The following NFKBIZ variants were observed in gnomAD, a reference collection of about 807,000 sequenced individuals.
NFKBIZ encodes NF-kappa-B inhibitor zeta.
Under a neutral mutation model 76.8 loss-of-function variants are expected in NFKBIZ, and 19 were observed. The observed-to-expected ratio is 0.25, with a 90% confidence interval of 0.17 to 0.36. The LOEUF is 0.36. NFKBIZ is among the 10% of genes least tolerant of loss of function. The pLI, the probability that NFKBIZ is intolerant of heterozygous loss-of-function variation, is 1.00. For missense variants in NFKBIZ, 829 were observed against 910.9 expected (o/e 0.91, Z 1.16); for synonymous variants, 368 against 354.8 (o/e 1.04, Z -0.42).
chr3:101,858,478 T>C lies in NFKBIZ; in HGVS notation c.2104-840T>C, dbSNP rs1438309784. ...CAGTATTTGCTTCTACTTCACTGTT[T>C]GTGGTGTGCAGTCATATAACTATGC... On this transcript the variant is annotated intron_variant, in intron 11 of 11. Transcript: ENST00000326172. 3 of 980,734 alleles carry C rather than the reference T, an allele frequency of 3.1e-6. No individual in the cohort carries two copies. The South Asian group carries it at 1.4e-4, about 46-fold the overall frequency. The allele number at this position is 980,734 out of a possible 1,614,324, so 60.8% of individuals were successfully genotyped here. A position where few individuals can be genotyped will look rare whatever the true frequency, so the allele number is the denominator to read the frequency against.
intron 11 of NFKBIZ, 183 bp downstream of exon 11, chr3:101,857,642 G>A: frequency 2.0e-6 from 2 of 985,430 alleles, no homozygotes; most frequent in Non-Finnish European, 2.4e-6. Flanking sequence ...CAGCAATTAA[G>A]AAATTTGAGG....
chr3:101,844,465 A>G (rs1311783294), intron 2 of NFKBIZ, among the ~76,000 whole-genome samples: 3 of 152,298 alleles, frequency 2.0e-5, no homozygotes, highest in African/African-American at 7.2e-5. Flanking sequence ...AGTTATACCC[A>G]TTGCTTTTGT....
In NFKBIZ at chr3:101,853,547, G is replaced by A; in HGVS notation, c.1021G>A (p.Val341Ile). The A allele has an allele frequency of 1.2e-6, 2 of 1,614,204 alleles. No homozygotes were observed. The highest frequency in any genetic ancestry group is 2.2e-5 in the South Asian group (2 of 91,088). ...ACAGTTTTGCCCAAACCAAAGCTTA[G>A]TTTCCCTTCTTGGTGATCAAAGGGA... ...ESQFCPNQSL[V>I]SLLGDQRESE... The change falls in exon 5 of 12, where the codon GTT (valine) becomes ATT (isoleucine). Residue 341 changes from valine to isoleucine, a missense_variant. Physicochemically the swap from Val to Ile is conservative, Grantham distance 29 (BLOSUM62 3). This residue lies in a region of NFKBIZ where 371 missense variants were observed against 332.3 expected (regional missense o/e 1.12). Coordinates refer to ENST00000326172, the MANE Select transcript of NFKBIZ (RefSeq NM_031419.4).
intron 2 of NFKBIZ, among the ~76,000 whole-genome samples, chr3:101,840,796 G>A (rs1421481097): frequency 2.6e-5 from 4 of 152,196 alleles, no homozygotes; most frequent in African/African-American, 2.4e-5. Context: ...TTGTGTACCT[G>A]CTGGAAAGCA....
At chr3:101,837,380 T>TA (rs1216623487) in intron 2 of NFKBIZ, among the ~76,000 whole-genome samples, 3 of 151,168 alleles carry the variant, frequency 2.0e-5, no homozygotes, top group East Asian at 1.9e-4. Flanking sequence ...AAAGGACTAT[T>TA]AAAAAATCAT....
chr3:101,849,613 C>T lies in NFKBIZ; in HGVS notation c.-16C>T, dbSNP rs950028295. On this transcript the variant is annotated 5_prime_UTR_variant, in exon 1 of 12. Coordinates refer to ENST00000326172, the MANE Select transcript of NFKBIZ (RefSeq NM_031419.4). ...TGGCGCAGGTGTCGGGGTCCTCGAG[C>T]GCCCAGCCTGGGAGCATGATTGTGG... The T allele has an allele frequency of 5.3e-6, 7 of 1,331,172 alleles. No individual in the cohort carries two copies. The highest frequency in any genetic ancestry group is 3.9e-5 in the Admixed American group (1 of 25,818). The allele number at this position is 1,331,172 out of a possible 1,614,324, so 82.5% of individuals were successfully genotyped here. A position where few individuals can be genotyped will look rare whatever the true frequency, so the allele number is the denominator to read the frequency against.
chr3:101,853,096 A>G lies in NFKBIZ; in HGVS notation c.570A>G (p.Pro190=). 6.2e-7 allele frequency: 1 copy of G among 1,612,614 alleles called. No individual in the cohort carries two copies. Among genetic ancestry groups the G allele is most frequent in the East Asian group, 2.2e-5 (1 of 44,862 alleles). The change falls in exon 5 of 12, where the codon CCA becomes CCG. Residue 190 remains proline (P), a synonymous_variant. Transcript: ENST00000326172. The stretch of plus-strand genomic sequence containing the variant: ...TGCATTTTCCTTCTTTCCAGACACC[A>G]CCTCAAACACCAACGCCCGGGGAGA... The part of the protein sequence containing the change: ...PALLHSQFLT[P]PQTPTPGESM...
chr3:101,855,143 A>G lies in NFKBIZ; in HGVS notation c.1525A>G (p.Thr509Ala). The change falls in exon 7 of 12, where the codon ACA (threonine) becomes GCA (alanine). Residue 509 changes from threonine (T) to alanine (A), a missense_variant. Physicochemically the swap from Thr to Ala is moderately conservative, Grantham distance 58 (BLOSUM62 0). This residue lies in a region of NFKBIZ where 272 missense variants were observed against 384.2 expected (regional missense o/e 0.71). Coordinates refer to ENST00000326172, the MANE Select transcript of NFKBIZ (RefSeq NM_031419.4). ...LVNIGAQVNT[T>A]DCWGRTPLHV... ...GAACATCGGGGCACAGGTGAACACC[A>G]CAGACTGCTGGGGAAGAACACCTCT... is the stretch of plus-strand genomic sequence containing the variant. The G allele has an allele frequency of 1.2e-6, 2 of 1,614,100 alleles. No homozygotes were observed. The highest frequency in any genetic ancestry group is 8.5e-7 in the Non-Finnish European group (1 of 1,180,012).
upstream of NFKBIZ, among the ~76,000 whole-genome samples, chr3:101,845,129 G>A (rs553732698): frequency 2.6e-5 from 4 of 151,718 alleles, no homozygotes; most frequent in African/African-American, 4.8e-5. Context: ...TTAGCCGGGC[G>A]TGGTGGCGGG....
At chr3:101,850,041 C>G in intron 1 of NFKBIZ, 124 bp downstream of exon 1, 2 of 941,256 alleles carry the variant, frequency 2.1e-6, no homozygotes, top group Non-Finnish European at 2.8e-6. Context: ...CGCACCTTAG[C>G]CATCAATTAC....
intron 2 of NFKBIZ, among the ~76,000 whole-genome samples, chr3:101,839,940 C>T (rs541994904): frequency 2.6e-5 from 4 of 152,120 alleles, no homozygotes; most frequent in Admixed American, 6.5e-5. Context: ...TAATTTTGAA[C>T]TATGTATTAC....
At chr3:101,830,143 T>C (rs1942629019) in intron 2 of NFKBIZ, among the ~76,000 whole-genome samples, 1 of 152,148 alleles carries the variant, frequency 6.6e-6, no homozygotes, top group Non-Finnish European at 1.5e-5. Flanking sequence ...TTTGGGATTG[T>C]CTGTGAAGTA....
intron 2 of NFKBIZ, among the ~76,000 whole-genome samples, chr3:101,832,584 T>C (rs1219661100): frequency 6.6e-6 from 1 of 152,262 alleles, no homozygotes; most frequent in South Asian, 2.1e-4. Flanking sequence ...TTATGACTGG[T>C]TTATTTCATG....
chr3:101,852,108 A>C lies in NFKBIZ; in HGVS notation c.313A>C (p.Arg105=), dbSNP rs778848733. The C allele has an allele frequency of 6.2e-7, 1 of 1,614,224 alleles. No individual in the cohort carries two copies. Among genetic ancestry groups the C allele is most frequent in the Non-Finnish European group, 8.5e-7 (1 of 1,180,028 alleles). The change falls in exon 2 of 12, where the codon AGG becomes CGG. Residue 105 remains arginine (R), a synonymous_variant. Transcript: ENST00000326172. ...QPVEPHMGVG[R]QQRGPFQGVR... is the part of the protein sequence containing the mutation. ...AGTTGAGCCCCATATGGGGGTTGGC[A>C]GGCAGCAGAGAGGCCCCTTTCAAGG...
chr3:101,849,329 CG>C, upstream of NFKBIZ: 1 of 267,372 alleles, frequency 3.7e-6, no homozygotes, highest in Non-Finnish European at 7.0e-6. Flanking sequence ...CGGAGCCGGG[CG>C]GGCGGGGCGA....
At chr3:101,858,479 G>C in intron 11 of NFKBIZ, 1 of 978,772 alleles carries the variant, frequency 1.0e-6, no homozygotes, top group African/African-American at 1.7e-5. Context: ...TTCACTGTTT[G>C]TGGTGTGCAG....
chr3:101,859,045 G>A (rs1943097208), intron 11 of NFKBIZ, among the ~76,000 whole-genome samples: 1 of 152,158 alleles, frequency 6.6e-6, no homozygotes, highest in African/African-American at 2.4e-5. Context: ...TTAAGTTTAT[G>A]GAGATTTTCA....
chr3:101,852,013 C>T, intron 1 of NFKBIZ, 72 bp from the exon 2 acceptor site: 1 of 1,557,210 alleles, frequency 6.4e-7, no homozygotes, highest in Admixed American at 1.9e-5. Context: ...AACAGCTATA[C>T]TTTTGGGATT....
chr3:101,828,967 TA>T (rs989051074), intron 1 of NFKBIZ, among the ~76,000 whole-genome samples: 9 of 152,222 alleles, frequency 5.9e-5, no homozygotes, highest in South Asian at 2.1e-4. Context: ...CTGGGTGGAA[TA>T]TTTTTTTGCT....
Sources: allele counts gnomAD v4.1 joint callset (sites outside exome capture counted in the v4.1 genomes callset), GRCh38; gene constraint gnomAD v4.1.1; regional missense constraint gnomAD v4.1.1; transcripts MANE v1.5; gene names NCBI Gene and HGNC (gene_info 2026-07-23, HGNC 2026-07-21).